STK38: variants seen among roughly 807,000 people sequenced by gnomAD.
STK38 encodes serine/threonine-protein kinase 38.
Under a neutral mutation model 59.0 loss-of-function variants are expected in STK38, and 26 were observed. The ratio of observed to expected loss-of-function variants is 0.44; its 90% confidence interval spans 0.32 to 0.61. STK38 has a LOEUF of 0.61. Among genes scored for constraint, STK38 ranks in the 20% least tolerant of loss-of-function variants. The pLI, the probability that STK38 is intolerant of heterozygous loss-of-function variation, is 0.04. For missense variants in STK38, 433 were observed against 566.0 expected, an observed-to-expected ratio of 0.76 and a Z score of 2.38; for synonymous variants, 175 against 176.6, an observed-to-expected ratio of 0.99 and a Z score of 0.07.
chr6:36,535,648 C>T (rs1416179228), intron 2 of STK38, among the ~76,000 whole-genome samples: 2 of 151,858 alleles, frequency 1.3e-5, no homozygotes, highest in Non-Finnish European at 2.9e-5. Flanking sequence ...GAGGCCAAGG[C>T]GGGTGGATCA....
intron 1 of STK38, among the ~76,000 whole-genome samples, chr6:36,542,405 G>A (rs1777959443): frequency 6.6e-6 from 1 of 152,134 alleles, no homozygotes; most frequent in Non-Finnish European, 1.5e-5. Flanking sequence ...AAAAACAAGA[G>A]ATCTTAATTT....
intron 7 of STK38, 71 bp from the exon 8 acceptor site, chr6:36,507,673 C>A: frequency 8.7e-7 from 1 of 1,152,784 alleles, no homozygotes; most frequent in Non-Finnish European, 1.3e-6. Flanking sequence ...ACGTTCTGCT[C>A]CTTCCAGCAT....
intron 2 of STK38, among the ~76,000 whole-genome samples, chr6:36,538,318 AG>A (rs1777847715): frequency 6.6e-6 from 1 of 152,042 alleles, no homozygotes; most frequent in Non-Finnish European, 1.5e-5. Flanking sequence ...AAAGAAAAAA[AG>A]AAAAAAAAAA....
chr6:36,538,546 T>C (rs545623690), intron 2 of STK38, among the ~76,000 whole-genome samples: 2 of 152,336 alleles, frequency 1.3e-5, no homozygotes, highest in African/African-American at 4.8e-5. Flanking sequence ...TTCTAGTTAA[T>C]GTTATATAAG....
At chr6:36,527,934 C>T (rs1008625224) in intron 2 of STK38, among the ~76,000 whole-genome samples, 65 of 139,006 alleles carry the variant, frequency 4.7e-4, no homozygotes, top group African/African-American at 1.7e-3. Context: ...CCCATCTCTA[C>T]TAAAAATACA....
At chr6:36,510,783 G>C (rs1414821540) in intron 7 of STK38, among the ~76,000 whole-genome samples, 2 of 152,158 alleles carry the variant, frequency 1.3e-5, no homozygotes, top group African/African-American at 4.8e-5. Context: ...CTGTTAAATG[G>C]CTTGCCGTTA....
intron 1 of STK38, among the ~76,000 whole-genome samples, chr6:36,546,391 G>A (rs1778053291): frequency 6.6e-6 from 1 of 152,154 alleles, no homozygotes; most frequent in Non-Finnish European, 1.5e-5. Flanking sequence ...CGAGGTGGTG[G>A]TTGTTTTATG....
At position 36,524,374 on chromosome 6, in the gene STK38, G is replaced by C. The variant is rs760749581; in HGVS notation, c.273C>G (p.Ser91=). The change falls in exon 4 of 14, where the codon TCC becomes TCG. Residue 91 remains serine, a synonymous_variant. Coordinates refer to ENST00000229812, the MANE Select transcript of STK38 (RefSeq NM_007271.4). ...ATGCTCCTCTGCCTATTACTTTTAA[G>C]GACTCAAAATCTTCCAATCCAAGTC... ...RTRLGLEDFE[S]LKVIGRGAFG... is the part of the protein sequence containing the mutation. 4.2e-5 allele frequency: 68 copies of C among 1,613,078 alleles called. No individual in the cohort carries two copies. Among genetic ancestry groups the C allele is most frequent in the Non-Finnish European group, 4.2e-5 (50 of 1,179,732 alleles).
At chr6:36,540,232 G>A (rs1447649791) in intron 1 of STK38, 25 bp from the exon 2 acceptor site, 2 of 1,612,262 alleles carry the variant, frequency 1.2e-6, no homozygotes, top group Middle Eastern at 3.3e-4. Flanking sequence ...AAGAAGAGGT[G>A]TTAGATTTGG....
chr6:36,504,983 T>C (rs1458577836), intron 9 of STK38, among the ~76,000 whole-genome samples: 1 of 151,700 alleles, frequency 6.6e-6, no homozygotes, highest in East Asian at 1.9e-4. Context: ...TTACCTTCTG[T>C]TTCCAAAAAA....
chr6:36,541,938 C>T (rs552937009), intron 1 of STK38, among the ~76,000 whole-genome samples: 119 of 151,522 alleles, frequency 7.9e-4, no homozygotes, highest in African/African-American at 2.8e-3. Context: ...AAGCGATTCT[C>T]GTGTCTCAGC....
At chr6:36,508,621 G>A (rs1777025190) in intron 7 of STK38, among the ~76,000 whole-genome samples, 1 of 152,222 alleles carries the variant, frequency 6.6e-6, no homozygotes, top group Non-Finnish European at 1.5e-5. Flanking sequence ...TGTGGTCATT[G>A]ATGCCTTTAC....
At chr6:36,543,087 C>A (rs1051842241) in intron 1 of STK38, among the ~76,000 whole-genome samples, 2 of 150,516 alleles carry the variant, frequency 1.3e-5, no homozygotes, top group Admixed American at 6.6e-5. Context: ...TTTTTTGAGA[C>A]GAAGTCTCGC....
chr6:36,502,376 TC>T (rs1776860981), intron 9 of STK38, among the ~76,000 whole-genome samples: 1 of 152,216 alleles, frequency 6.6e-6, no homozygotes, highest in South Asian at 2.1e-4. Flanking sequence ...TAATTAGCCA[TC>T]CAGGTTTTTA....
At chr6:36,538,291 GAGA>G (rs1777846777) in intron 2 of STK38, among the ~76,000 whole-genome samples, 1 of 150,750 alleles carries the variant, frequency 6.6e-6, no homozygotes, top group Non-Finnish European at 1.5e-5. Flanking sequence ...GCAACAGAGT[GAGA>G]CTCCGTCTCA....
intron 2 of STK38, among the ~76,000 whole-genome samples, chr6:36,527,230 T>TATATATATG (rs1561986951): frequency 7.4e-6 from 1 of 134,418 alleles, no homozygotes; most frequent in African/African-American, 2.9e-5. Context: ...ATATATATAT[T>TATATATATG]TATATGTATA....
rs767525075 is a variant in STK38 at position 36,521,791 on chromosome 6, C to T, written c.333G>A (p.Thr111=). ...GTATTTTCATTGCATACACATGTCC[C>T]GTATCTTTCTTCTGAACAAGCCGTA... ...GEVRLVQKKD[T]GHVYAMKILR... Residue 111 remains threonine, a synonymous_variant, in exon 5 of 14, where the codon ACG becomes ACA. Transcript: ENST00000229812. The T allele has an allele frequency of 5.6e-6, 9 of 1,610,686 alleles. No homozygotes were observed. Among genetic ancestry groups the T allele is most frequent in the Admixed American group, 1.7e-5 (1 of 59,674 alleles).
At chr6:36,541,809 C>T (rs1382381980) in intron 1 of STK38, among the ~76,000 whole-genome samples, 1 of 149,292 alleles carries the variant, frequency 6.7e-6, no homozygotes, top group South Asian at 2.1e-4. Context: ...CTTGCTTGTG[C>T]TTTTTCCATG....
At chr6:36,500,018 G>A in intron 9 of STK38, 28 bp from the exon 10 acceptor site, 1 of 1,568,944 alleles carries the variant, frequency 6.4e-7, no homozygotes, top group African/African-American at 1.4e-5. Context: ...CATCAGCGAG[G>A]CCCAGCCAGG....
Sources: gnomAD v4.1 joint callset for allele counts (sites outside exome capture counted in the v4.1 genomes callset) on GRCh38, gnomAD v4.1.1 for gene constraint, MANE v1.5 for transcripts, NCBI Gene and HGNC (gene_info 2026-07-23, HGNC 2026-07-21) for gene names.